The following TRIO variants were observed in gnomAD, a reference collection of about 807,000 sequenced individuals.
TRIO encodes trio Rho guanine nucleotide exchange factor, also known as triple functional domain protein.
A neutral mutation model predicts 351.9 loss-of-function variants in TRIO; 58 were observed. The observed-to-expected ratio is 0.16, with a 90% CI of 0.13 to 0.21. TRIO has a LOEUF of 0.21. Ranked by LOEUF, TRIO falls within the 10% of genes least tolerant of loss-of-function variation. TRIO has a pLI of 1.00. For missense variants in TRIO, 3,201 were observed against 4,027.8 expected, an observed-to-expected ratio of 0.79 and a Z score of 5.56; for synonymous variants, 1,758 against 1,595.7, an observed-to-expected ratio of 1.10 and a Z score of -2.42.
chr5:14,161,099 G>A (rs573769130), intron 1 of TRIO, among the ~76,000 whole-genome samples: 1 of 152,214 alleles, frequency 6.6e-6, no homozygotes, highest in East Asian at 1.9e-4. Context: ...TGTAGAGATG[G>A]GGTTTCACCA....
At chr5:14,191,255 G>C (rs1402364469) in intron 1 of TRIO, among the ~76,000 whole-genome samples, 1 of 152,126 alleles carries the variant, frequency 6.6e-6, no homozygotes, top group African/African-American at 2.4e-5. Context: ...TGTGTATGTA[G>C]CATTCTATAT....
Position 14,309,055 on chromosome 5 carries a change from A to C in TRIO, c.1500+4463A>C, listed in dbSNP as rs928594813. Among the ~76,000 whole-genome samples, 8 of 149,502 alleles carry C rather than the reference A, an allele frequency of 5.4e-5. No individual in the cohort carries two copies. In the Admixed American group the frequency reaches 5.4e-4, roughly 10 times the overall value. On this transcript the variant is annotated intron_variant, in intron 8 of 56. Transcript: ENST00000344204. Reference sequence around the variant, plus strand: ...CACTCAGCCACTCATTCATTTATCTATCTACCCACCACTTACCCACCCACC... The same window carrying C: ...CACTCAGCCACTCATTCATTTATCTCTCTACCCACCACTTACCCACCCACC...
intron 46 of TRIO, among the ~76,000 whole-genome samples, chr5:14,484,097 C>T (rs1419972988): frequency 1.3e-5 from 2 of 151,024 alleles, no homozygotes; most frequent in East Asian, 3.9e-4. Flanking sequence ...GGGCACTGCA[C>T]TCATCCATCC....
chr5:14,145,813 G>GCGTGGCTCTCTCCAGGAGTTGT (rs1377759252), intron 1 of TRIO, among the ~76,000 whole-genome samples: 1 of 152,136 alleles, frequency 6.6e-6, no homozygotes, highest in Non-Finnish European at 1.5e-5. Flanking sequence ...CTGCCTGTTG[G>GCGTGGCTCTCTCCAGGAGTTGT]CGTGGCTCTC....
intron 1 of TRIO, among the ~76,000 whole-genome samples, chr5:14,169,773 A>G (rs948519618): frequency 6.6e-6 from 1 of 152,260 alleles, no homozygotes; most frequent in African/African-American, 2.4e-5. Flanking sequence ...TTGGAAAATT[A>G]AAGTGATAAG....
At chr5:14,370,109 T>G (rs1177917168) in intron 18 of TRIO, among the ~76,000 whole-genome samples, 2 of 151,174 alleles carry the variant, frequency 1.3e-5, no homozygotes, top group South Asian at 2.1e-4. Flanking sequence ...TTTCTTTTCT[T>G]TCTTTCTTTC....
At chr5:14,222,183 T>C (rs1309789240) in intron 1 of TRIO, among the ~76,000 whole-genome samples, 3 of 151,048 alleles carry the variant, frequency 2.0e-5, no homozygotes, top group Non-Finnish European at 4.4e-5. Flanking sequence ...TAAATTAAGG[T>C]GTGTTCATTT....
intron 33 of TRIO, among the ~76,000 whole-genome samples, chr5:14,407,329 C>T (rs536739956): frequency 5.0e-4 from 76 of 152,246 alleles, no homozygotes; most frequent in Non-Finnish European, 8.4e-4. Flanking sequence ...ACATGAGGTG[C>T]GAGTGTCAGC....
intron 34 of TRIO, among the ~76,000 whole-genome samples, chr5:14,421,728 C>T (rs1235688169): frequency 6.6e-6 from 1 of 152,042 alleles, no homozygotes; most frequent in African/African-American, 2.4e-5. Context: ...GGATAGGAAG[C>T]GGTAGGGCGT....
chr5:14,353,746 G>A (rs1479841741), intron 11 of TRIO, among the ~76,000 whole-genome samples: 1 of 152,190 alleles, frequency 6.6e-6, no homozygotes, highest in African/African-American at 2.4e-5. Flanking sequence ...CCTATGAGAA[G>A]TGTTTGATTT....
chr5:14,387,746 G>A lies in TRIO; in HGVS notation c.3780G>A (p.Gln1260=), dbSNP rs746346005. Residue 1260 remains glutamine, a synonymous_variant, in exon 23 of 57, where the codon CAG becomes CAA. Transcript: ENST00000344204. ...TTATTCCACAGAGTAAAAGTCTCCA[G>A]CTAGATATCATTCCAGCCAGTATCC... is the stretch of plus-strand genomic sequence containing the variant. The part of the protein sequence containing the change: ...SDSNKSSKSL[Q]LDIIPASIPG... 6.8e-6 allele frequency: 11 copies of A among 1,614,204 alleles called. No homozygotes were observed. Among genetic ancestry groups the A allele is most frequent in the Non-Finnish European group, 9.3e-6 (11 of 1,180,036 alleles).
intron 1 of TRIO, among the ~76,000 whole-genome samples, chr5:14,156,561 C>A (rs193081580): frequency 2.6e-5 from 4 of 152,304 alleles, no homozygotes; most frequent in African/African-American, 9.6e-5. Flanking sequence ...CCACAGGGTG[C>A]ATTTTAGTCT....
rs1754679156 is a variant in TRIO at position 14,471,445 on chromosome 5, C to T, written c.5891C>T (p.Ser1964Phe). ...SPIDEMEERK[S>F]SSLKRRHYVL... is the part of the protein sequence containing the mutation. ...ATTGATGAGATGGAAGAAAGGAAATCCAGCTCTTTAAAGAGAAGACAGTAA... is the reference window on the plus strand; with the variant it reads ...ATTGATGAGATGGAAGAAAGGAAATTCAGCTCTTTAAAGAGAAGACAGTAA... The change falls in exon 38 of 57, where the codon TCC becomes TTC. Residue 1964 changes from serine (S) to phenylalanine (F), a missense_variant. Physicochemically the swap from Ser to Phe is radical, Grantham distance 155 (BLOSUM62 -2). This residue lies in a region of TRIO where 307 missense variants were observed against 396.5 expected (regional missense o/e 0.77). Transcript: ENST00000344204. 2 of 1,614,024 alleles carry T rather than the reference C, an allele frequency of 1.2e-6. No individual in the cohort carries two copies. The highest frequency in any genetic ancestry group is 1.3e-5 in the African/African-American group (1 of 74,906).
At chr5:14,233,380 C>T (rs1470962652) in intron 1 of TRIO, among the ~76,000 whole-genome samples, 1 of 148,094 alleles carries the variant, frequency 6.8e-6, no homozygotes, top group African/African-American at 2.5e-5. Context: ...GTCCCAGCTA[C>T]TTGGGAGGCT....
chr5:14,467,639 C>G (rs149404411), intron 37 of TRIO, among the ~76,000 whole-genome samples: 4 of 151,992 alleles, frequency 2.6e-5, no homozygotes, highest in Non-Finnish European at 4.4e-5. Flanking sequence ...AACACGAGAC[C>G]GCATCTCTAC....
intron 1 of TRIO, among the ~76,000 whole-genome samples, chr5:14,202,293 G>GTTTTTTTTTTTTTTT (rs1561196197): frequency 5.8e-5 from 2 of 34,350 alleles, no homozygotes; most frequent in African/African-American, 2.0e-4. Flanking sequence ...ATATTTTTGT[G>GTTTTTTTTTTTTTTT]ATTTTTTTTT....
chr5:14,348,725 T>G (rs1260618879), intron 11 of TRIO, among the ~76,000 whole-genome samples: 1 of 152,048 alleles, frequency 6.6e-6, no homozygotes, highest in East Asian at 1.9e-4. Flanking sequence ...TGTACGCACA[T>G]GAGCATGTGT....
intron 20 of TRIO, among the ~76,000 whole-genome samples, chr5:14,379,068 A>G (rs1346292902): frequency 1.3e-5 from 2 of 152,186 alleles, no homozygotes; most frequent in African/African-American, 2.4e-5. Context: ...GTTGCTTAAG[A>G]ATCCGTAAAC....
chr5:14,409,551 G>A (rs115965456), intron 33 of TRIO, among the ~76,000 whole-genome samples: 4,190 of 151,350 alleles, frequency 0.028, 194 homozygotes, highest in African/African-American at 0.097. Flanking sequence ...CTGAAGGGTC[G>A]GCTGAGCACG....
Sources: gnomAD v4.1 joint callset for allele counts (sites outside exome capture counted in the v4.1 genomes callset) on GRCh38, gnomAD v4.1.1 for gene constraint, gnomAD v4.1.1 regional missense constraint, MANE v1.5 for transcripts, NCBI Gene and HGNC (gene_info 2026-07-23, HGNC 2026-07-21) for gene names.